Variants in CUX1 observed in about 807,000 individuals in gnomAD.
CUX1 encodes protein CASP.
Under a neutral mutation model 158.8 loss-of-function variants are expected in CUX1, and 31 were observed. The ratio of observed to expected loss-of-function variants is 0.20; its 90% CI spans 0.15 to 0.26. CUX1 has a LOEUF of 0.26. CUX1 is among the 10% of genes least tolerant of loss of function. The probability of loss-of-function intolerance (pLI) is 1.00; values close to 1 mark genes in which losing one functional copy is unlikely to be tolerated. For synonymous variants in CUX1, 879 were observed against 862.1 expected (o/e 1.02, Z -0.34); for missense variants, 1,589 against 2,014.6 (o/e 0.79, Z 4.04).
chr7:102,271,418 T>A (rs552775851), intron 14 of CUX1, among the ~76,000 whole-genome samples: 119 of 152,216 alleles, frequency 7.8e-4, no homozygotes, highest in African/African-American at 2.6e-3. Context: ...TCCCTACATC[T>A]CACAACCGCT....
intron 1 of CUX1, among the ~76,000 whole-genome samples, chr7:101,818,487 C>A (rs1792119596): frequency 6.6e-6 from 1 of 152,184 alleles, no homozygotes; most frequent in Non-Finnish European, 1.5e-5. Flanking sequence ...AACTCTAAAC[C>A]TTCCTGTCCC....
At chr7:102,014,647 C>T (rs1818392609) in intron 2 of CUX1, among the ~76,000 whole-genome samples, 1 of 152,114 alleles carries the variant, frequency 6.6e-6, no homozygotes, top group African/African-American at 2.4e-5. Context: ...TTCTCCTTCG[C>T]CTGCTAGGTT....
chr7:101,854,420 G>C (rs1451815379), intron 1 of CUX1, among the ~76,000 whole-genome samples: 1 of 152,102 alleles, frequency 6.6e-6, no homozygotes, highest in Non-Finnish European at 1.5e-5. Flanking sequence ...GAAGCAGTGG[G>C]GGCTTTGGCA....
chr7:101,942,756 C>T (rs1287066317), intron 2 of CUX1, among the ~76,000 whole-genome samples: 1 of 152,234 alleles, frequency 6.6e-6, no homozygotes, highest in South Asian at 2.1e-4. Context: ...CGTGAGCCAC[C>T]GCAGGCCTCC....
chr7:102,039,744 C>G (rs1404809204), intron 3 of CUX1, among the ~76,000 whole-genome samples: 6 of 152,008 alleles, frequency 3.9e-5, no homozygotes, highest in Non-Finnish European at 8.8e-5. Flanking sequence ...CCCTTCTAAC[C>G]AGCCCCTCCT....
At chr7:101,946,971 C>T (rs966235314) in intron 2 of CUX1, among the ~76,000 whole-genome samples, 12 of 152,086 alleles carry the variant, frequency 7.9e-5, no homozygotes, top group Non-Finnish European at 1.5e-4. Flanking sequence ...ACAGAAGGCC[C>T]GGGATGTGTC....
intron 2 of CUX1, among the ~76,000 whole-genome samples, chr7:101,968,348 C>T (rs1039516339): frequency 6.6e-6 from 1 of 152,110 alleles, no homozygotes; most frequent in South Asian, 2.1e-4. Context: ...CTGGACAACC[C>T]TCTGCAGACT....
chr7:101,905,777 A>T (rs1018848467), intron 1 of CUX1, among the ~76,000 whole-genome samples: 1 of 152,154 alleles, frequency 6.6e-6, no homozygotes, highest in Admixed American at 6.5e-5. Flanking sequence ...AGTGTTTCTT[A>T]TTAACCCGCC....
intron 2 of CUX1, among the ~76,000 whole-genome samples, chr7:101,969,798 G>A (rs945592264): frequency 3.9e-5 from 6 of 151,980 alleles, no homozygotes; most frequent in African/African-American, 1.5e-4. Context: ...TCTGGAACCT[G>A]CTTAAATGTA....
chr7:102,106,143 A>G (rs1830330079), intron 6 of CUX1, among the ~76,000 whole-genome samples: 1 of 121,690 alleles, frequency 8.2e-6, no homozygotes, highest in Non-Finnish European at 1.6e-5. Flanking sequence ...GCTTGAGTGC[A>G]GTGTCGCAAT....
At chr7:102,205,348 G>A (rs1795844774) in intron 20 of CUX1, among the ~76,000 whole-genome samples, 178 bp downstream of exon 20, 1 of 152,220 alleles carries the variant, frequency 6.6e-6, no homozygotes, top group Non-Finnish European at 1.5e-5. Context: ...CTAATGGAGA[G>A]CGAGCTGACA....
intron 2 of CUX1, chr7:101,932,429 G>A (rs1222528700): frequency 1.9e-5 from 7 of 377,762 alleles, no homozygotes; most frequent in East Asian, 1.5e-4. Context: ...AGGAATACGC[G>A]CAGAGATGTT....
intron 8 of CUX1, among the ~76,000 whole-genome samples, chr7:102,118,019 A>G (rs193261426): frequency 4.1e-4 from 62 of 152,282 alleles, no homozygotes; most frequent in Non-Finnish European, 6.5e-4. Flanking sequence ...TTAACTTTGG[A>G]GGCCATGGGC....
chr7:101,946,052 G>A (rs1808324014), intron 2 of CUX1, among the ~76,000 whole-genome samples: 2 of 152,198 alleles, frequency 1.3e-5, no homozygotes, highest in Non-Finnish European at 2.9e-5. Context: ...GAAGGGTGGA[G>A]GATGGAAGGC....
intron 2 of CUX1, among the ~76,000 whole-genome samples, chr7:101,966,617 G>A (rs999479331): frequency 6.6e-6 from 1 of 152,164 alleles, no homozygotes; most frequent in African/African-American, 2.4e-5. Context: ...GGGTGGGAAT[G>A]TCCTAGGTGG....
chr7:102,021,100 C>T (rs1240345845), intron 2 of CUX1, among the ~76,000 whole-genome samples: 2 of 151,712 alleles, frequency 1.3e-5, no homozygotes, highest in African/African-American at 2.4e-5. Context: ...AGTTCAGCCC[C>T]TCACTACCCC....
chr7:101,958,980 T>C (rs1810121446), intron 2 of CUX1, among the ~76,000 whole-genome samples: 1 of 147,090 alleles, frequency 6.8e-6, no homozygotes, highest in African/African-American at 2.5e-5. Flanking sequence ...TCAGCCCTCC[T>C]AAGTAGCTAG....
At chr7:102,225,466 A>G (rs1317535153) in intron 20 of CUX1, among the ~76,000 whole-genome samples, 1 of 152,198 alleles carries the variant, frequency 6.6e-6, no homozygotes, top group Non-Finnish European at 1.5e-5. Flanking sequence ...TTGCTGCTCT[A>G]TGCTACATTT....
rs76533446 is a variant in CUX1, at chr7:101,957,199, A to T, written c.141+40974A>T. Among the ~76,000 whole-genome samples the T allele has an allele frequency of 7.2e-3, 1,097 of 152,328 alleles. 15 individuals carry two copies. Among genetic ancestry groups the T allele is most frequent in the African/African-American group, 0.025 (1,033 of 41,572 alleles). On this transcript the variant is annotated intron_variant, in intron 2 of 23. Coordinates refer to ENST00000292535, the MANE Select transcript of CUX1 (RefSeq NM_181552.4). The stretch of plus-strand genomic sequence containing the variant: ...TAAAGATGCTGTATCACCCTAGTTT[A>T]ATGAAAGAAAAATGTTCAAAAATAT...
Sources: gnomAD v4.1 joint callset for allele counts (sites outside exome capture counted in the v4.1 genomes callset) on GRCh38, gnomAD v4.1.1 for gene constraint, MANE v1.5 for transcripts, NCBI Gene and HGNC (gene_info 2026-07-23, HGNC 2026-07-21) for gene names.